The following CORIN variants were observed in gnomAD, a reference collection of about 807,000 sequenced individuals.
CORIN encodes atrial natriuretic peptide-converting enzyme.
In CORIN, 117 loss-of-function variants were observed where a neutral mutation model predicts 125.3. That is an observed-to-expected ratio of 0.93 (90% CI 0.80 to 1.09). CORIN has a LOEUF of 1.09. Among genes scored for constraint, CORIN ranks in the 50% least tolerant of loss-of-function variants. The pLI, the probability that CORIN is intolerant of heterozygous loss-of-function variation, is 0.00. For missense variants in CORIN, 1,253 were observed against 1,306.7 expected (o/e 0.96, Z 0.63); for synonymous variants, 450 against 466.4 (o/e 0.96, Z 0.45).
intron 6 of CORIN, among the ~76,000 whole-genome samples, chr4:47,690,177 G>C (rs1191746830): frequency 6.6e-6 from 1 of 152,130 alleles, no homozygotes; most frequent in Admixed American, 6.5e-5. Context: ...ACATTTTCCT[G>C]CAATATGAAT....
chr4:47,638,013 G>A (rs1301088540), intron 16 of CORIN, among the ~76,000 whole-genome samples: 1 of 152,196 alleles, frequency 6.6e-6, no homozygotes, highest in Non-Finnish European at 1.5e-5. Context: ...CAAGACCCAT[G>A]GGAACCCACT....
At chr4:47,746,544 T>C (rs1728672997) in intron 4 of CORIN, among the ~76,000 whole-genome samples, 1 of 152,014 alleles carries the variant, frequency 6.6e-6, no homozygotes, top group Non-Finnish European at 1.5e-5. Context: ...CGCAAATCTT[T>C]TTTTTTTTTT....
intron 17 of CORIN, 144 bp downstream of exon 17, chr4:47,626,261 G>C: frequency 3.2e-6 from 2 of 617,408 alleles, no homozygotes; most frequent in Non-Finnish European, 5.8e-6. Flanking sequence ...ATGTTGAAAT[G>C]TAAAGGCAAT....
At chr4:47,651,812 G>A (rs576024801) in intron 13 of CORIN, among the ~76,000 whole-genome samples, 2 of 152,206 alleles carry the variant, frequency 1.3e-5, no homozygotes, top group Admixed American at 6.5e-5. Flanking sequence ...TTTTAGGGTC[G>A]TTTAAACCCT....
At chr4:47,828,257 G>T (rs1403764352) in intron 1 of CORIN, among the ~76,000 whole-genome samples, 1 of 152,046 alleles carries the variant, frequency 6.6e-6, no homozygotes, top group African/African-American at 2.4e-5. Flanking sequence ...TCTAACTTTT[G>T]TTCTAACGAG....
At chr4:47,786,203 T>C (rs1264061935) in intron 3 of CORIN, among the ~76,000 whole-genome samples, 2 of 152,200 alleles carry the variant, frequency 1.3e-5, no homozygotes, top group African/African-American at 2.4e-5. Context: ...TACTCAGTCC[T>C]ACCTGAACAT....
intron 1 of CORIN, among the ~76,000 whole-genome samples, chr4:47,817,694 C>T (rs1364804724): frequency 6.6e-6 from 1 of 152,182 alleles, no homozygotes. Flanking sequence ...AGAAAGGCTG[C>T]CCCAAATTCT....
At chr4:47,789,347 A>T (rs896849744) in intron 2 of CORIN, among the ~76,000 whole-genome samples, 6 of 152,140 alleles carry the variant, frequency 3.9e-5, no homozygotes, top group African/African-American at 1.4e-4. Flanking sequence ...TCTTCATAAC[A>T]TCTGTTTATC....
rs1724596176 is a variant in CORIN at position 47,668,791 on chromosome 4, A to C, written c.1358-3528T>G. ...CATAACTTTTAAGTGTTTAGGAGCC[A>C]AGGAAAAGGAAAGGATTAAGTAATG... is the stretch of plus-strand genomic sequence containing the variant. On this transcript the variant is annotated intron_variant, in intron 10 of 21. Coordinates refer to ENST00000273857, the MANE Select transcript of CORIN (RefSeq NM_006587.4). Among the ~76,000 whole-genome samples, 5 of 152,324 alleles carry C rather than the reference A, an allele frequency of 3.3e-5. No homozygotes were observed. In the South Asian group the frequency reaches 1.0e-3, roughly 32 times the overall value.
chr4:47,773,019 A>AT (rs948172345), intron 3 of CORIN, among the ~76,000 whole-genome samples: 5 of 151,888 alleles, frequency 3.3e-5, no homozygotes, highest in Middle Eastern at 3.4e-3. Flanking sequence ...GGGAGTTATA[A>AT]TTTTTTTTTA....
At chr4:47,636,529 CAT>C (rs1380064933) in intron 16 of CORIN, among the ~76,000 whole-genome samples, 6 of 152,154 alleles carry the variant, frequency 3.9e-5, no homozygotes, top group East Asian at 1.9e-4. Flanking sequence ...ACAATTCCCA[CAT>C]GTCATGGGAG....
At chr4:47,726,161 G>A (rs551190654) in intron 5 of CORIN, among the ~76,000 whole-genome samples, 1 of 152,162 alleles carries the variant, frequency 6.6e-6, no homozygotes, top group South Asian at 2.1e-4. Flanking sequence ...TTATTGATGG[G>A]TATGCAAAAT....
intron 6 of CORIN, among the ~76,000 whole-genome samples, chr4:47,689,448 C>T (rs1486537404): frequency 2.0e-5 from 3 of 152,202 alleles, no homozygotes; most frequent in Middle Eastern, 3.4e-3. Context: ...GTCATTACTA[C>T]ACCGTATTAC....
chr4:47,816,226 A>ATACAAGTG (rs1732260780), intron 1 of CORIN, among the ~76,000 whole-genome samples: 1 of 152,204 alleles, frequency 6.6e-6, no homozygotes, highest in East Asian at 1.9e-4. Flanking sequence ...AAATACAAGT[A>ATACAAGTG]ATGATGTTAT....
At chr4:47,693,343 C>A (rs573041469) in intron 5 of CORIN, among the ~76,000 whole-genome samples, 6 of 152,212 alleles carry the variant, frequency 3.9e-5, no homozygotes, top group Non-Finnish European at 7.4e-5. Context: ...AGTGAGGCAT[C>A]CATGTTCAGA....
chr4:47,674,825 T>A (rs151062044), intron 9 of CORIN, among the ~76,000 whole-genome samples: 2 of 152,304 alleles, frequency 1.3e-5, no homozygotes, highest in African/African-American at 4.8e-5. Context: ...AAAATAAAAT[T>A]CAAGAGATTT....
At chr4:47,769,927 G>A (rs1454814448) in intron 3 of CORIN, among the ~76,000 whole-genome samples, 3 of 152,042 alleles carry the variant, frequency 2.0e-5, no homozygotes, top group Non-Finnish European at 4.4e-5. Flanking sequence ...AATACATAGG[G>A]GGAAAGCTCA....
intron 2 of CORIN, among the ~76,000 whole-genome samples, chr4:47,796,805 C>G (rs924803402): frequency 6.6e-6 from 1 of 151,990 alleles, no homozygotes; most frequent in Non-Finnish European, 1.5e-5. Flanking sequence ...CAACCAGACC[C>G]TGTCACTCTC....
intron 2 of CORIN, among the ~76,000 whole-genome samples, chr4:47,796,650 T>A (rs1230586093): frequency 6.6e-6 from 1 of 152,112 alleles, no homozygotes; most frequent in Non-Finnish European, 1.5e-5. Flanking sequence ...GCAGAAATTG[T>A]GGTGATGATT....
Sources: gnomAD v4.1 joint callset for allele counts (sites outside exome capture counted in the v4.1 genomes callset) on GRCh38, gnomAD v4.1.1 for gene constraint, MANE v1.5 for transcripts, NCBI Gene and HGNC (gene_info 2026-07-23, HGNC 2026-07-21) for gene names.